Variants in EPG5 observed in about 807,000 individuals in gnomAD.
The protein encoded by EPG5 is ectopic P-granules 5 autophagy tethering factor, also known as ectopic P granules protein 5 homolog.
A neutral mutation model predicts 302.7 loss-of-function variants in EPG5; 159 were observed. The observed-to-expected ratio is 0.53, with a 90% CI of 0.46 to 0.60. The LOEUF (loss-of-function observed/expected upper bound fraction) is 0.60, where lower values mean the gene tolerates loss of function less well. EPG5 is among the 20% of genes least tolerant of loss of function. The pLI, the probability that EPG5 is intolerant of heterozygous loss-of-function variation, is 0.00. For missense variants in EPG5, 2,896 were observed against 3,092.4 expected, an observed-to-expected ratio of 0.94 and a Z score of 1.51; for synonymous variants, 1,158 against 1,136.8, an observed-to-expected ratio of 1.02 and a Z score of -0.37.
intron 1 of EPG5, among the ~76,000 whole-genome samples, chr18:45,961,540 T>C (rs938266351): frequency 2.0e-5 from 3 of 152,162 alleles, no homozygotes; most frequent in Admixed American, 6.5e-5. Context: ...TTCCCTTTCA[T>C]GTCTTTACTT....
At chr18:45,837,707 C>T in the EPG5 span, 1 of 1,484,446 alleles carries the variant, frequency 6.7e-7, no homozygotes, top group Non-Finnish European at 8.9e-7. Flanking sequence ...GGGCAGCGAG[C>T]TCTGCCAGAC....
chr18:45,809,634 G>A, the EPG5 span, among the ~76,000 whole-genome samples: 1 of 152,152 alleles, frequency 6.6e-6, no homozygotes, highest in Non-Finnish European at 1.5e-5. Context: ...TGGGTCAGAA[G>A]TGAAATCAAG....
intron 9 of EPG5, among the ~76,000 whole-genome samples, chr18:45,942,158 G>A (rs2050679557): frequency 1.3e-5 from 2 of 152,248 alleles, no homozygotes; most frequent in Middle Eastern, 6.8e-3. Context: ...CTGGGAGGCA[G>A]AGGTTGCAGT....
intron 1 of EPG5, among the ~76,000 whole-genome samples, chr18:45,958,255 A>C (rs1017797397): frequency 2.0e-5 from 3 of 152,312 alleles, no homozygotes; most frequent in African/African-American, 7.2e-5. Flanking sequence ...ATATTCCTCA[A>C]ATGGACCTAC....
intron 43 of EPG5, chr18:45,855,354 T>C (rs2048492797): frequency 2.1e-6 from 1 of 467,220 alleles, no homozygotes; most frequent in African/African-American, 1.9e-5. Flanking sequence ...TGGCCTTACT[T>C]TTCTACAATG....
In EPG5 at chr18:45,954,522, G is replaced by A. The variant is rs750528141; in HGVS notation, c.880C>T (p.Leu294Phe). 3 of 1,614,246 alleles carry A rather than the reference G, an allele frequency of 1.9e-6. No individual in the cohort carries two copies. The highest frequency in any genetic ancestry group is 2.5e-6 in the Non-Finnish European group (3 of 1,180,040). The change falls in exon 2 of 44, where the codon CTT (leucine) becomes TTT (phenylalanine). Residue 294 changes from leucine to phenylalanine, a missense_variant. Transcript: ENST00000282041. ...HQDRHEFYEL[L>F]LNYSRCRKQL... ...TTCCTACATCGTGAGTAGTTCAAAA[G>A]CAACTCATAAAATTCATGCCTGTCT...
the EPG5 span, among the ~76,000 whole-genome samples, chr18:45,815,126 T>C: frequency 3.9e-5 from 6 of 152,218 alleles, no homozygotes; most frequent in African/African-American, 1.4e-4. Flanking sequence ...CAGGCACAGC[T>C]ACCATTTATT....
In EPG5 at chr18:45,919,274, T is replaced by C. The variant is rs528707248; in HGVS notation, c.3099-1455A>G. Among the ~76,000 whole-genome samples, 7 of 152,284 alleles carry C rather than the reference T, an allele frequency of 4.6e-5. No homozygotes were observed. The East Asian group carries it at 1.4e-3, about 29-fold the overall frequency. On this transcript the variant is annotated intron_variant, in intron 16 of 43. Transcript: ENST00000282041. ...ATCCCAAATGCCCACCATGGAGTTT[T>C]ACACTAGAGATCAGCCCTGAGAGGA...
At chr18:45,928,783 C>G in intron 13 of EPG5, 86 bp downstream of exon 13, 2 of 1,324,930 alleles carry the variant, frequency 1.5e-6, no homozygotes, top group Non-Finnish European at 2.1e-6. Context: ...GTGACAAGAT[C>G]ATTCCCAAGA....
the EPG5 span, among the ~76,000 whole-genome samples, chr18:45,804,080 T>TA: frequency 1.2e-4 from 18 of 152,190 alleles, no homozygotes; most frequent in Admixed American, 6.5e-5. Context: ...AAAACATAGT[T>TA]AGTATCATCA....
At chr18:45,883,631 T>TG (rs1568120339) in intron 30 of EPG5, among the ~76,000 whole-genome samples, 4 of 138,374 alleles carry the variant, frequency 2.9e-5, no homozygotes, top group Non-Finnish European at 6.1e-5. Context: ...TTTTTTTTTT[T>TG]TTTTTTTTTT....
Position 45,879,088 on chromosome 18 carries a change from C to T in EPG5, c.5794G>A (p.Gly1932Ser). Residue 1932 changes from glycine (G) to serine (S), a missense_variant, in exon 33 of 44, where the codon GGC becomes AGC. This residue lies in a region of EPG5 where 790 missense variants were observed against 798.0 expected (regional missense o/e 0.99). Transcript: ENST00000282041. Reference protein sequence around the residue: ...PYMADVKTFLGYLVKRLIDLE... With the variant: ...PYMADVKTFLSYLVKRLIDLE... ...TCAATCAGCCTTTTCACAAGGTAGC[C>T]CAAGAATGTCTTCACATCAGCCATA... 1 of 1,614,058 alleles carries T rather than the reference C, an allele frequency of 6.2e-7. No individual in the cohort carries two copies.
the EPG5 span, chr18:45,840,103 A>C: frequency 3.2e-6 from 4 of 1,268,530 alleles, no homozygotes; most frequent in Non-Finnish European, 4.5e-6. Flanking sequence ...TGCTTCAAAA[A>C]CAGTGGTTTC....
the EPG5 span, among the ~76,000 whole-genome samples, chr18:45,814,955 G>C: frequency 1.3e-5 from 2 of 152,208 alleles, no homozygotes; most frequent in Non-Finnish European, 2.9e-5. Flanking sequence ...AGAGGACAAT[G>C]ACCCTGGGAA....
chr18:45,824,848 T>C, the EPG5 span, among the ~76,000 whole-genome samples: 1 of 151,742 alleles, frequency 6.6e-6, no homozygotes, highest in African/African-American at 2.4e-5. Flanking sequence ...TGTGGGCCTG[T>C]TGAGGTGGAG....
the EPG5 span, among the ~76,000 whole-genome samples, chr18:45,818,205 T>C: frequency 6.6e-6 from 1 of 152,208 alleles, no homozygotes; most frequent in South Asian, 2.1e-4. Flanking sequence ...TGATAATACA[T>C]GTTGTTTACA....
the EPG5 span, among the ~76,000 whole-genome samples, chr18:45,822,039 C>G: frequency 6.6e-6 from 1 of 152,076 alleles, no homozygotes; most frequent in Non-Finnish European, 1.5e-5. Flanking sequence ...TTCAGCAATC[C>G]CAGTAGGGGG....
At chr18:45,891,833 G>A (rs910325151) in intron 27 of EPG5, among the ~76,000 whole-genome samples, 1 of 152,094 alleles carries the variant, frequency 6.6e-6, no homozygotes. Flanking sequence ...ATCAATACAA[G>A]TATCTGAATT....
intron 23 of EPG5, 27 bp downstream of exon 23, chr18:45,910,494 T>C (rs752699625): frequency 1.0e-5 from 16 of 1,537,788 alleles, no homozygotes; most frequent in Middle Eastern, 2.3e-4. Flanking sequence ...CAAACAACAA[T>C]GTAGGTGGCT....
Sources: allele counts gnomAD v4.1 joint callset (sites outside exome capture counted in the v4.1 genomes callset), GRCh38; gene constraint gnomAD v4.1.1; regional missense constraint gnomAD v4.1.1; transcripts MANE v1.5; gene names NCBI Gene and HGNC (gene_info 2026-07-23, HGNC 2026-07-21).